CCDC73: variants seen among roughly 807,000 people sequenced by gnomAD.
The protein encoded by CCDC73 is coiled-coil domain containing 73.
In CCDC73, 95 loss-of-function variants were observed where a neutral mutation model predicts 116.5. The observed-to-expected ratio is 0.82, with a 90% CI of 0.69 to 0.97. The LOEUF (loss-of-function observed/expected upper bound fraction) is 0.97, where lower values mean the gene tolerates loss of function less well. Ranked by LOEUF, CCDC73 falls within the 50% of genes least tolerant of loss-of-function variation. The pLI, the probability that CCDC73 is intolerant of heterozygous loss-of-function variation, is 0.00. For synonymous variants in CCDC73, 398 were observed against 401.3 expected (o/e 0.99, Z 0.10); for missense variants, 1,066 against 1,206.8 (o/e 0.88, Z 1.73).
intron 12 of CCDC73, 39 bp downstream of exon 12, chr11:32,653,084 A>C (rs1407348207): frequency 8.3e-7 from 1 of 1,205,220 alleles, no homozygotes; most frequent in Non-Finnish European, 1.2e-6. Flanking sequence ...ATACTAAAAC[A>C]CAGATAGATA....
At chr11:32,750,149 C>A (rs181044429) in intron 2 of CCDC73, among the ~76,000 whole-genome samples, 1 of 152,182 alleles carries the variant, frequency 6.6e-6, no homozygotes, top group South Asian at 2.1e-4. Flanking sequence ...GGATTACAGG[C>A]GTGAGCCAAC....
At chr11:32,689,212 T>C (rs1227959861) in intron 6 of CCDC73, among the ~76,000 whole-genome samples, 1 of 152,060 alleles carries the variant, frequency 6.6e-6, no homozygotes, top group African/African-American at 2.4e-5. Context: ...GTCCTAATAA[T>C]AATATATACT....
chr11:32,693,580 C>T (rs1856281506), intron 6 of CCDC73, among the ~76,000 whole-genome samples: 1 of 152,158 alleles, frequency 6.6e-6, no homozygotes, highest in East Asian at 1.9e-4. Context: ...CCAGCATCAT[C>T]CTGATACCAA....
At chr11:32,617,242 G>A (rs528618259) in intron 14 of CCDC73, among the ~76,000 whole-genome samples, 2 of 152,156 alleles carry the variant, frequency 1.3e-5, no homozygotes, top group Middle Eastern at 3.4e-3. Context: ...TTTTAAACAA[G>A]GAATGAATAA....
At chr11:32,633,562 AG>A (rs1855651669) in intron 14 of CCDC73, among the ~76,000 whole-genome samples, 1 of 152,214 alleles carries the variant, frequency 6.6e-6, no homozygotes, top group Non-Finnish European at 1.5e-5. Context: ...AAATAGGTAA[AG>A]GAAAAGGCAC....
chr11:32,816,000 A>G, the CCDC73 span, among the ~76,000 whole-genome samples: 1 of 152,304 alleles, frequency 6.6e-6, no homozygotes, highest in South Asian at 2.1e-4. Context: ...AATCAATTGG[A>G]TATGGAAGGA....
In CCDC73 at chr11:32,675,590, T is replaced by C. The variant is rs1473725186; in HGVS notation, c.620A>G (p.Glu207Gly). The change falls in exon 9 of 18, where the codon GAA becomes GGA. Residue 207 changes from glutamate to glycine, a missense_variant. Transcript: ENST00000335185. ...CTTCTTTAAACTGCATATTTCAGCT[T>C]CTTGTTTTTTATTTAAAGCTGAAAG... is the stretch of plus-strand genomic sequence containing the variant. The part of the protein sequence containing the change: ...KRLSALNKKQ[E>G]AEICSLKKEL... The C allele has an allele frequency of 6.3e-7, 1 of 1,587,112 alleles. No homozygotes were observed. The highest frequency in any genetic ancestry group is 8.5e-7 in the Non-Finnish European group (1 of 1,169,714).
intron 2 of CCDC73, among the ~76,000 whole-genome samples, chr11:32,740,377 T>A (rs920208851): frequency 1.3e-5 from 2 of 152,120 alleles, no homozygotes; most frequent in Non-Finnish European, 2.9e-5. Context: ...CATTACTTGT[T>A]ATTGGTCTCT....
At position 32,611,277 on chromosome 11, in the gene CCDC73, A is replaced by G; in HGVS notation, c.2897-12T>C. 6.2e-7 allele frequency: 1 copy of G among 1,607,998 alleles called. No individual in the cohort carries two copies. Among genetic ancestry groups the G allele is most frequent in the Non-Finnish European group, 8.5e-7 (1 of 1,177,634 alleles). On this transcript the variant is annotated splice_polypyrimidine_tract_variant and intron_variant, in intron 16 of 17. Coordinates refer to ENST00000335185, the MANE Select transcript of CCDC73 (RefSeq NM_001008391.4). Reference sequence around the variant, plus strand: ...AATGCTGGTAGTATCTGATTGATAAAGAGGAAATGGCAACAACTGAATTTT... The same window carrying G: ...AATGCTGGTAGTATCTGATTGATAAGGAGGAAATGGCAACAACTGAATTTT...
intron 2 of CCDC73, among the ~76,000 whole-genome samples, chr11:32,748,502 A>G (rs903671962): frequency 6.6e-6 from 1 of 152,166 alleles, no homozygotes; most frequent in Non-Finnish European, 1.5e-5. Flanking sequence ...ATCTTATTAT[A>G]CTGTCTATGT....
intron 3 of CCDC73, among the ~76,000 whole-genome samples, chr11:32,717,649 C>T (rs1390712205): frequency 1.3e-5 from 2 of 152,078 alleles, no homozygotes; most frequent in Non-Finnish European, 2.9e-5. Context: ...GATTAGAATA[C>T]ATTTTAAAAT....
intron 9 of CCDC73, among the ~76,000 whole-genome samples, chr11:32,672,467 G>A (rs1482902993): frequency 6.6e-6 from 1 of 151,906 alleles, no homozygotes; most frequent in Non-Finnish European, 1.5e-5. Flanking sequence ...TTGTATAAAG[G>A]CTTATTAATA....
intron 2 of CCDC73, among the ~76,000 whole-genome samples, chr11:32,736,863 G>C (rs1382952652): frequency 6.6e-6 from 1 of 151,720 alleles, no homozygotes; most frequent in Non-Finnish European, 1.5e-5. Context: ...CCTTTGTAGG[G>C]ACATGGATGA....
intron 14 of CCDC73, among the ~76,000 whole-genome samples, chr11:32,626,093 C>A (rs910886472): frequency 1.3e-5 from 2 of 151,166 alleles, no homozygotes; most frequent in Non-Finnish European, 2.9e-5. Flanking sequence ...ATCGTCTCAG[C>A]CCAAAATCTC....
At chr11:32,687,391 A>T (rs1315069407) in intron 6 of CCDC73, among the ~76,000 whole-genome samples, 1 of 152,224 alleles carries the variant, frequency 6.6e-6, no homozygotes, top group Non-Finnish European at 1.5e-5. Flanking sequence ...TCCAAGCAGG[A>T]AAAGGAGGAC....
intron 9 of CCDC73, among the ~76,000 whole-genome samples, chr11:32,667,748 A>G (rs1014163972): frequency 6.6e-6 from 1 of 152,208 alleles, no homozygotes; most frequent in African/African-American, 2.4e-5. Context: ...TGTCTTCTGC[A>G]TCGCTCACAC....
intron 3 of CCDC73, among the ~76,000 whole-genome samples, chr11:32,709,377 C>T (rs1394900672): frequency 6.6e-6 from 1 of 152,170 alleles, no homozygotes; most frequent in Non-Finnish European, 1.5e-5. Context: ...TGGCTCACTG[C>T]AACCTCCACC....
intron 1 of CCDC73, among the ~76,000 whole-genome samples, chr11:32,776,989 GTATATATA>G (rs71063758): frequency 0.064 from 6,489 of 100,938 alleles, 188 homozygotes; most frequent in Middle Eastern, 0.076. Context: ...ATATACACAT[GTATATATA>G]TATATATATA....
At chr11:32,629,563 C>T (rs1316146250) in intron 14 of CCDC73, among the ~76,000 whole-genome samples, 1 of 151,718 alleles carries the variant, frequency 6.6e-6, no homozygotes, top group Non-Finnish European at 1.5e-5. Flanking sequence ...CCACGCCCGG[C>T]GAATTTTTGT....
Sources: allele counts gnomAD v4.1 joint callset (sites outside exome capture counted in the v4.1 genomes callset), GRCh38; gene constraint gnomAD v4.1.1; transcripts MANE v1.5; gene names NCBI Gene and HGNC (gene_info 2026-07-23, HGNC 2026-07-21).